Variants in MTMR2 observed in about 807,000 individuals in gnomAD.
MTMR2 encodes myotubularin related protein 2, also known as phosphatidylinositol-3,5-bisphosphate 3-phosphatase MTMR2.
MTMR2 carries 55 observed loss-of-function variants against 86.9 expected under a neutral mutation model. The observed-to-expected ratio is 0.63, with a 90% CI of 0.51 to 0.79. The LOEUF (loss-of-function observed/expected upper bound fraction) is 0.79. MTMR2 is among the 30% of genes least tolerant of loss of function. The probability of loss-of-function intolerance (pLI) is 0.00; values close to 1 mark genes in which losing one functional copy is unlikely to be tolerated. For missense variants in MTMR2, 659 were observed against 772.3 expected, an observed-to-expected ratio of 0.85 and a Z score of 1.74; for synonymous variants, 241 against 266.8, an observed-to-expected ratio of 0.90 and a Z score of 0.94.
chr11:95,892,209 T>C (rs933677146), intron 1 of MTMR2, among the ~76,000 whole-genome samples: 1 of 152,174 alleles, frequency 6.6e-6, no homozygotes, highest in Non-Finnish European at 1.5e-5. Flanking sequence ...AAGCTCTGTA[T>C]TTCCCAAAAT....
At chr11:95,844,474 A>G (rs147465489) in intron 11 of MTMR2, among the ~76,000 whole-genome samples, 2 of 152,144 alleles carry the variant, frequency 1.3e-5, no homozygotes, top group Non-Finnish European at 2.9e-5. Context: ...TGGTCCCAGC[A>G]GGGCCAGCTT....
In MTMR2 at chr11:95,923,918, G is replaced by A. The variant is rs1867034667; in HGVS notation, c.37C>T (p.Gln13Ter). 1 of 1,561,030 alleles carries A rather than the reference G, an allele frequency of 6.4e-7. No homozygotes were observed. Among genetic ancestry groups the A allele is most frequent in the Non-Finnish European group, 8.7e-7 (1 of 1,152,180 alleles). The stretch of plus-strand genomic sequence containing the variant: ...CTGGGCGGCCGAGCCGCCGCCGGCT[G>A]GGAGCCAAGACTCTCGCAGCTCGAG... ...KSSSCESLGSQPAAARPPSVD... is the reference protein window; with the variant it reads ...KSSSCESLGS The change falls in exon 1 of 15, where the codon CAG becomes TAG. Residue 13 changes from glutamine to a stop codon, truncating the protein, a stop_gained. Coordinates refer to ENST00000346299, the MANE Select transcript of MTMR2 (RefSeq NM_016156.6). LOFTEE classifies it high-confidence loss of function.
intron 3 of MTMR2, among the ~76,000 whole-genome samples, chr11:95,862,939 T>A (rs538459880): frequency 3.9e-5 from 6 of 152,350 alleles, no homozygotes; most frequent in African/African-American, 1.4e-4. Flanking sequence ...AAGAGGATAT[T>A]GTACTGCTGA....
chr11:95,896,617 T>C (rs778151697), intron 1 of MTMR2, among the ~76,000 whole-genome samples: 3 of 151,734 alleles, frequency 2.0e-5, no homozygotes, highest in African/African-American at 7.3e-5. Context: ...TGTTAAGGAG[T>C]GAAAGACTGA....
intron 3 of MTMR2, among the ~76,000 whole-genome samples, chr11:95,864,738 C>A (rs1267139811): frequency 6.6e-6 from 1 of 152,046 alleles, no homozygotes; most frequent in Non-Finnish European, 1.5e-5. Flanking sequence ...AAATAGCATG[C>A]TAAGGACTAG....
chr11:95,889,554 A>G (rs1043357244), intron 1 of MTMR2, among the ~76,000 whole-genome samples: 4 of 150,398 alleles, frequency 2.7e-5, no homozygotes, highest in African/African-American at 7.3e-5. Flanking sequence ...AGGTCTCACT[A>G]TGTTATCCAG....
At chr11:95,911,582 C>T (rs1433389215) in intron 1 of MTMR2, among the ~76,000 whole-genome samples, 2 of 152,024 alleles carry the variant, frequency 1.3e-5, no homozygotes, top group Admixed American at 6.6e-5. Context: ...CAAAAACCTC[C>T]GATTCAAATT....
At chr11:95,880,973 A>G (rs1011561522) in intron 2 of MTMR2, among the ~76,000 whole-genome samples, 4 of 152,128 alleles carry the variant, frequency 2.6e-5, no homozygotes, top group Admixed American at 2.6e-4. Flanking sequence ...TTTAAAAGTT[A>G]ATACCTTAGA....
intron 1 of MTMR2, among the ~76,000 whole-genome samples, chr11:95,893,255 C>T (rs140929917): frequency 6.6e-6 from 1 of 152,148 alleles, no homozygotes; most frequent in Non-Finnish European, 1.5e-5. Flanking sequence ...CACATTCCCA[C>T]TTCAGCAATG....
intron 3 of MTMR2, 34 bp downstream of exon 3, chr11:95,865,567 A>G (rs773650746): frequency 6.4e-7 from 1 of 1,553,794 alleles, no homozygotes; most frequent in East Asian, 2.2e-5. Flanking sequence ...AGTAGAACGG[A>G]GAAGGACATT....
Position 95,870,221 on chromosome 11 carries a change from C to T in MTMR2, c.187-4545G>A, listed in dbSNP as rs138574186. Among the ~76,000 whole-genome samples, 807 of 152,022 alleles carry T rather than the reference C, an allele frequency of 5.3e-3. 3 individuals are homozygous for T. Among genetic ancestry groups the T allele is most frequent in the Non-Finnish European group, 8.4e-3 (570 of 67,956 alleles). ...ATAAAAACAAGGAAGTAGGGTAAAA[C>T]GTTAATGGAAAAATTCTGATGGTGG... On this transcript the variant is annotated intron_variant, in intron 2 of 14. Transcript: ENST00000346299.
chr11:95,891,854 G>A (rs941928298), intron 1 of MTMR2, among the ~76,000 whole-genome samples: 2 of 152,024 alleles, frequency 1.3e-5, no homozygotes, highest in Admixed American at 6.6e-5. Context: ...GAGAGAGGGA[G>A]GGAGAGAGAG....
At chr11:95,862,151 C>T (rs772380513) in intron 4 of MTMR2, 49 bp from the exon 5 acceptor site, 9 of 1,538,158 alleles carry the variant, frequency 5.9e-6, no homozygotes, top group Non-Finnish European at 8.1e-6. Context: ...TAATACTGTC[C>T]AATTATAGAG....
chr11:95,836,922 G>C (rs1406579239), intron 13 of MTMR2, among the ~76,000 whole-genome samples: 1 of 151,900 alleles, frequency 6.6e-6, no homozygotes. Context: ...AAAATGTGAT[G>C]GCTGTACAAC....
intron 8 of MTMR2, 143 bp from the exon 9 acceptor site, chr11:95,850,005 A>G (rs1443539745): frequency 2.5e-6 from 2 of 787,292 alleles, no homozygotes; most frequent in African/African-American, 3.5e-5. Flanking sequence ...AAGAAAAATC[A>G]TCACCTTTCC....
chr11:95,863,400 A>C (rs1864492786), intron 3 of MTMR2, among the ~76,000 whole-genome samples: 1 of 152,174 alleles, frequency 6.6e-6, no homozygotes, highest in Admixed American at 6.5e-5. Context: ...ATCTTTTCAC[A>C]ATCATTTCTA....
At chr11:95,902,628 G>A (rs1866114155) in intron 1 of MTMR2, among the ~76,000 whole-genome samples, 1 of 152,000 alleles carries the variant, frequency 6.6e-6, no homozygotes. Flanking sequence ...TGAATTTTAA[G>A]GTTAGCCATC....
chr11:95,920,270 T>C (rs756181722), intron 1 of MTMR2, among the ~76,000 whole-genome samples: 1 of 152,188 alleles, frequency 6.6e-6, no homozygotes, highest in East Asian at 1.9e-4. Flanking sequence ...TACTGAAGTA[T>C]GGCAATATTA....
rs3200441 is a variant in MTMR2, at chr11:95,835,023, C to G, written c.*267G>C. 7.0e-6 allele frequency: 3 copies of G among 428,446 alleles called. No homozygotes were observed. The highest frequency in any genetic ancestry group is 1.3e-5 in the Non-Finnish European group (3 of 232,658). 26.5% of individuals were successfully genotyped at this position (428,446 alleles called of 1,614,324 possible). A position where few individuals can be genotyped will look rare whatever the true frequency, so the allele number is the denominator to read the frequency against. ...ATTTGCCTTTTAATAGAAACTTGTT[C>G]CCACTGTGAATCCAGGATTGAAGTA... On this transcript the variant is annotated 3_prime_UTR_variant, in exon 15 of 15. Coordinates refer to ENST00000346299, the MANE Select transcript of MTMR2 (RefSeq NM_016156.6).
Sources: allele counts gnomAD v4.1 joint callset (sites outside exome capture counted in the v4.1 genomes callset), GRCh38; gene constraint gnomAD v4.1.1; transcripts MANE v1.5; gene names NCBI Gene and HGNC (gene_info 2026-07-23, HGNC 2026-07-21).